Variants in GFM2 observed in about 807,000 individuals in gnomAD.
GFM2 encodes the protein ribosome-releasing factor 2, mitochondrial.
In GFM2, 72 loss-of-function variants were observed where a neutral mutation model predicts 95.4. That is an observed-to-expected ratio of 0.76 (90% confidence interval 0.62 to 0.92). GFM2 has a LOEUF of 0.92. Among genes scored for constraint, GFM2 ranks in the 40% least tolerant of loss-of-function variants. The pLI, the probability that GFM2 is intolerant of heterozygous loss-of-function variation, is 0.00. For synonymous variants in GFM2, 276 were observed against 317.5 expected (o/e 0.87, Z 1.39); for missense variants, 825 against 924.1 (o/e 0.89, Z 1.39).
chr5:74,724,873 A>G (rs991970605), intron 19 of GFM2, among the ~76,000 whole-genome samples: 3 of 152,184 alleles, frequency 2.0e-5, no homozygotes, highest in Non-Finnish European at 2.9e-5. Flanking sequence ...AGCATTCAGC[A>G]TACCACACTC....
intron 2 of GFM2, among the ~76,000 whole-genome samples, chr5:74,762,762 T>A (rs551215260): frequency 2.6e-5 from 4 of 152,282 alleles, no homozygotes; most frequent in South Asian, 2.1e-4. Context: ...GGGGAGTGTA[T>A]ACAATGTGGA....
rs2112189981 is a variant in GFM2 at position 74,721,252 on chromosome 5, A to C, written c.*403T>G. 8.5e-7 allele frequency: 1 copy of C among 1,171,882 alleles called. No individual in the cohort carries two copies. The allele number at this position is 1,171,882 out of a possible 1,614,324, so 72.6% of individuals were successfully genotyped here. A position where few individuals can be genotyped will look rare whatever the true frequency, so the allele number is the denominator to read the frequency against. ...TTGAAATCATGTAAAATAAGATATTAGACTGTTTTTTGAATAAAATATTTT... is the reference window on the plus strand; with the variant it reads ...TTGAAATCATGTAAAATAAGATATTCGACTGTTTTTTGAATAAAATATTTT... On this transcript the variant is annotated 3_prime_UTR_variant, in exon 21 of 21. Transcript: ENST00000296805.
At chr5:74,751,129 G>A (rs995676538) in intron 6 of GFM2, among the ~76,000 whole-genome samples, 1 of 152,148 alleles carries the variant, frequency 6.6e-6, no homozygotes, top group Non-Finnish European at 1.5e-5. Flanking sequence ...GGGGGCAAAA[G>A]GGAATTGTTG....
intron 6 of GFM2, 74 bp downstream of exon 6, chr5:74,751,294 A>G: frequency 1.3e-6 from 2 of 1,484,388 alleles, no homozygotes; most frequent in Non-Finnish European, 1.8e-6. Context: ...AATAAAAAGC[A>G]AAACAAAAAC....
chr5:74,763,656 CTT>C, intron 2 of GFM2, 22 bp downstream of exon 2: 2 of 1,404,664 alleles, frequency 1.4e-6, no homozygotes, highest in East Asian at 2.3e-5. Flanking sequence ...TTAAAGGACA[CTT>C]AATTTTATAA....
intron 10 of GFM2, among the ~76,000 whole-genome samples, chr5:74,744,193 A>T (rs752075168): frequency 1.9e-5 from 2 of 107,934 alleles, no homozygotes; most frequent in Non-Finnish European, 3.8e-5. Context: ...TCCATACAGC[A>T]TGTTACTGTA....
At chr5:74,747,866 T>G in intron 7 of GFM2, 86 bp from the exon 8 acceptor site, 1 of 716,590 alleles carries the variant, frequency 1.4e-6, no homozygotes, top group Non-Finnish European at 2.4e-6. Context: ...AAAAATCTAC[T>G]GTCAGATAAA....
intron 17 of GFM2, among the ~76,000 whole-genome samples, chr5:74,727,248 A>G (rs910064413): frequency 6.6e-6 from 1 of 152,202 alleles, no homozygotes; most frequent in Non-Finnish European, 1.5e-5. Context: ...ATGAGCATTC[A>G]TGAAACCTAA....
chr5:74,765,151 G>C (rs1229121606), intron 1 of GFM2: 4 of 1,111,152 alleles, frequency 3.6e-6, no homozygotes, highest in Non-Finnish European at 4.5e-6. Context: ...CCACAGTTGT[G>C]ACTGTAATAG....
chr5:74,739,699 A>T (rs1290617671), intron 12 of GFM2, among the ~76,000 whole-genome samples: 7 of 152,178 alleles, frequency 4.6e-5, no homozygotes, highest in Admixed American at 4.6e-4. Flanking sequence ...AATATTTAAC[A>T]AACATCCCCA....
chr5:74,721,920 G>C lies in GFM2; in HGVS notation c.2212-137C>G, dbSNP rs533830358. The C allele has an allele frequency of 3.9e-5, 29 of 749,266 alleles. 1 individual carries two copies. The South Asian group carries it at 5.0e-4, about 13-fold the overall frequency. 46.4% of individuals were successfully genotyped at this position (749,266 alleles called of 1,614,324 possible). A position where few individuals can be genotyped will look rare whatever the true frequency, so the allele number is the denominator to read the frequency against. On this transcript the variant is annotated intron_variant, in intron 20 of 20. Transcript: ENST00000296805. ...TTAGCCATATCACTTCCTCCAAACA[G>C]ATGATTTAACTTTTTTCAGGGTAAG...
In GFM2 at chr5:74,725,612, A is replaced by G. The variant is rs1290041721; in HGVS notation, c.2028+28T>C. On this transcript the variant is annotated intron_variant, in intron 19 of 20. Transcript: ENST00000296805. ...ACTATACTCAGAAGAGTCACCTTAA[A>G]GCCATAAGGATTAGGATAGTTCTAT... The G allele has an allele frequency of 4.8e-6, 7 of 1,449,786 alleles. No individual in the cohort carries two copies. The East Asian group carries it at 6.8e-5, about 14-fold the overall frequency. The allele number at this position is 1,449,786 out of a possible 1,614,324, so 89.8% of individuals were successfully genotyped here.
chr5:74,766,031 C>T (rs1318871719), intron 1 of GFM2, among the ~76,000 whole-genome samples: 1 of 151,780 alleles, frequency 6.6e-6, no homozygotes, highest in Non-Finnish European at 1.5e-5. Context: ...CAAAGCCGGG[C>T]GCTGTGGCTC....
chr5:74,741,341 T>C (rs1168619669), intron 11 of GFM2, among the ~76,000 whole-genome samples, 188 bp downstream of exon 11: 2 of 152,056 alleles, frequency 1.3e-5, no homozygotes, highest in Non-Finnish European at 2.9e-5. Flanking sequence ...TATATGAAAG[T>C]AATAAATCAC....
intron 17 of GFM2, among the ~76,000 whole-genome samples, chr5:74,728,765 T>TC (rs1405614107): frequency 8.5e-6 from 1 of 117,394 alleles, no homozygotes; most frequent in African/African-American, 4.2e-5. Flanking sequence ...TTTTTTTTTT[T>TC]TTTTTTTTTG....
chr5:74,738,766 T>C (rs1463245584), intron 12 of GFM2, 124 bp from the exon 13 acceptor site: 4 of 815,958 alleles, frequency 4.9e-6, no homozygotes, highest in Non-Finnish European at 5.5e-6. Flanking sequence ...CACTAAATAA[T>C]GTCTTTGTTA....
Position 74,725,678 on chromosome 5 carries a change from T to C in GFM2, c.1990A>G (p.Thr664Ala). 6.2e-7 allele frequency: 1 copy of C among 1,613,786 alleles called. No homozygotes were observed. Residue 664 changes from threonine (T) to alanine (A), a missense_variant, in exon 19 of 21, where the codon ACT (threonine) becomes GCT (alanine). By Grantham distance (58) the Thr-to-Ala change is moderately conservative. Transcript: ENST00000296805. Reference protein sequence around the residue: ...SLTIHPGTSTTMISACVSRCV... With the variant: ...SLTIHPGTSTAMISACVSRCV... Reference sequence around the variant, plus strand: ...CTTGAGACACAGGCAGAAATCATAGTTGTGGAGGTGCCAGGATGAATTGTC... The same window carrying C: ...CTTGAGACACAGGCAGAAATCATAGCTGTGGAGGTGCCAGGATGAATTGTC...
At chr5:74,766,535 C>T (rs1384517661) in intron 1 of GFM2, among the ~76,000 whole-genome samples, 1 of 152,066 alleles carries the variant, frequency 6.6e-6, no homozygotes, top group African/African-American at 2.4e-5. Context: ...CACTAGGGGG[C>T]CACTAAATAC....
At position 74,740,015 on chromosome 5, in the gene GFM2, T is replaced by A; in HGVS notation, c.1053A>T (p.Ser351=). 4.5e-6 allele frequency: 7 copies of A among 1,571,774 alleles called. No individual in the cohort carries two copies. Among genetic ancestry groups the A allele is most frequent in the Non-Finnish European group, 5.2e-6 (6 of 1,162,750 alleles). ...GAAATTCATAGTTACGCTCTTCAGG[T>A]GAAGGTAAGTACATAGTAACAGCAT... is the stretch of plus-strand genomic sequence containing the variant. ...LLDAVTMYLP[S]PEERNYEFLQ... The change falls in exon 12 of 21, where the codon TCA becomes TCT. Residue 351 remains serine, a synonymous_variant. Transcript: ENST00000296805.
Sources: allele counts gnomAD v4.1 joint callset (sites outside exome capture counted in the v4.1 genomes callset), GRCh38; gene constraint gnomAD v4.1.1; transcripts MANE v1.5; gene names NCBI Gene and HGNC (gene_info 2026-07-23, HGNC 2026-07-21).